ARPC1B: variants seen among roughly 807,000 people sequenced by gnomAD.
ARPC1B encodes the protein actin related protein 2/3 complex subunit 1B, also known as actin-related protein 2/3 complex subunit 1B.
In ARPC1B, 29 loss-of-function variants were observed where a neutral mutation model predicts 46.0. The ratio of observed to expected loss-of-function variants is 0.63; its 90% CI spans 0.47 to 0.86. ARPC1B has a LOEUF of 0.86. ARPC1B is among the 40% of genes least tolerant of loss of function. The pLI is 0.00. For synonymous variants in ARPC1B, 201 were observed against 213.9 expected (o/e 0.94, Z 0.53); for missense variants, 469 against 529.4 (o/e 0.89, Z 1.12).
chr7:99,394,800 A>T lies in ARPC1B; in HGVS notation c.*311A>T, dbSNP rs1050129030. 1 of 1,199,244 alleles carries T rather than the reference A, an allele frequency of 8.3e-7. No individual in the cohort carries two copies. The highest frequency in any genetic ancestry group is 1.6e-5 in the African/African-American group (1 of 62,110). 74.3% of individuals were successfully genotyped at this position (1,199,244 alleles called of 1,614,324 possible). On this transcript the variant is annotated 3_prime_UTR_variant, in exon 10 of 10. Coordinates refer to ENST00000646101, the MANE Select transcript of ARPC1B (RefSeq NM_005720.4). ...TGTGTAAAAAAAAAAAAAAAAAAAAAAGTAATTATGGACATGCTTGCCTAT... is the reference window on the plus strand; with the variant it reads ...TGTGTAAAAAAAAAAAAAAAAAAAATAGTAATTATGGACATGCTTGCCTAT...
intron 2 of ARPC1B, 168 bp from the exon 3 acceptor site, chr7:99,386,517 G>A (rs1047479058): frequency 2.2e-5 from 16 of 723,838 alleles, no homozygotes; most frequent in Non-Finnish European, 3.5e-5. Context: ...GGAGAAGACA[G>A]GGTGGCCTAG....
Position 99,388,184 on chromosome 7 carries a change from C to A in ARPC1B, c.315C>A (p.Ala105=). Residue 105 remains alanine, a synonymous_variant, in exon 4 of 10, where the codon GCC becomes GCA. Coordinates refer to ENST00000646101, the MANE Select transcript of ARPC1B (RefSeq NM_005720.4). ...INRAARCVRW[A]PNENKFAVGS... is the part of the protein sequence containing the mutation. ...GGGCTGCCCGCTGCGTGCGCTGGGCCCCCAACGAGAACAAGTTTGCTGTGG... is the reference window on the plus strand; with the variant it reads ...GGGCTGCCCGCTGCGTGCGCTGGGCACCCAACGAGAACAAGTTTGCTGTGG... 3 of 1,614,244 alleles carry A rather than the reference C, an allele frequency of 1.9e-6. No homozygotes were observed. Among genetic ancestry groups the A allele is most frequent in the Non-Finnish European group, 1.7e-6 (2 of 1,180,034 alleles).
At chr7:99,394,198 C>T (rs777416705) in intron 9 of ARPC1B, 79 bp downstream of exon 9, 17 of 1,452,484 alleles carry the variant, frequency 1.2e-5, no homozygotes, top group Non-Finnish European at 1.5e-5. Flanking sequence ...CTGGAGATGA[C>T]CCCCATCCTT....
Position 99,391,259 on chromosome 7 carries a change from G to A in ARPC1B, c.783+6G>A. On this transcript the variant is annotated splice_donor_region_variant and intron_variant, in intron 7 of 9. Coordinates refer to ENST00000646101, the MANE Select transcript of ARPC1B (RefSeq NM_005720.4). ...ACAACAGCCTGGTGGCAGCGGTGAG[G>A]AATAGGGAGGGGAGGGAGGGTGTGT... 2 of 1,612,280 alleles carry A rather than the reference G, an allele frequency of 1.2e-6. No homozygotes were observed. Among genetic ancestry groups the A allele is most frequent in the Non-Finnish European group, 1.7e-6 (2 of 1,178,908 alleles).
At chr7:99,392,297 C>T (rs1035116571) in intron 7 of ARPC1B, 4 of 218,748 alleles carry the variant, frequency 1.8e-5, no homozygotes, top group Non-Finnish European at 2.7e-5. Context: ...TCCCTCCCCT[C>T]CGCCCACATC....
intron 9 of ARPC1B, 103 bp from the exon 10 acceptor site, chr7:99,394,348 C>G (rs1794694873): frequency 8.5e-7 from 1 of 1,175,968 alleles, no homozygotes. Context: ...TGCAGGTTCT[C>G]TGCCCTCTGC....
intron 8 of ARPC1B, among the ~76,000 whole-genome samples, chr7:99,393,217 G>A (rs1243399464): frequency 6.6e-6 from 1 of 152,256 alleles, no homozygotes; most frequent in Non-Finnish European, 1.5e-5. Flanking sequence ...TTGTGGGCGG[G>A]GCCCATCTTG....
chr7:99,383,563 G>A (rs1794290179), intron 1 of ARPC1B, among the ~76,000 whole-genome samples: 1 of 152,202 alleles, frequency 6.6e-6, no homozygotes, highest in South Asian at 2.1e-4. Context: ...GGTGACTGCT[G>A]AGAAAATTTA....
In ARPC1B at chr7:99,390,893, G is replaced by C. The variant is rs1228993676; in HGVS notation, c.501G>C (p.Arg167=). The C allele has an allele frequency of 6.2e-7, 1 of 1,601,864 alleles. No homozygotes were observed. The highest frequency in any genetic ancestry group is 2.2e-5 in the East Asian group (1 of 44,578). The change falls in exon 6 of 10, where the codon CGG becomes CGC. Residue 167 remains arginine (R), a splice_region_variant and synonymous_variant. Transcript: ENST00000646101. The part of the protein sequence containing the change: ...LAAGSCDFKC[R]IFSAYIKEVE... ...ACCTCTACTTTGCCTATCCCGGTAGGATCTTTTCAGCCTACATCAAGGAGG... is the reference window on the plus strand; with the variant it reads ...ACCTCTACTTTGCCTATCCCGGTAGCATCTTTTCAGCCTACATCAAGGAGG...
chr7:99,378,774 CTTTTTTTT>C (rs761084621), intron 1 of ARPC1B, among the ~76,000 whole-genome samples: 2 of 106,554 alleles, frequency 1.9e-5, no homozygotes, highest in South Asian at 3.4e-4. Context: ...TTTTCTTTTT[CTTTTTTTT>C]TTTTTTTTTT....
chr7:99,381,089 G>A (rs531089894), intron 1 of ARPC1B, among the ~76,000 whole-genome samples: 1 of 152,316 alleles, frequency 6.6e-6, no homozygotes, highest in East Asian at 1.9e-4. Context: ...AAACGCTCAG[G>A]GAAACCCCCA....
intron 7 of ARPC1B, 24 bp downstream of exon 7, chr7:99,391,277 G>C: frequency 6.2e-7 from 1 of 1,610,642 alleles, no homozygotes; most frequent in South Asian, 1.1e-5. Context: ...AGGGGAGGGA[G>C]GGTGTGTGGT....
intron 1 of ARPC1B, among the ~76,000 whole-genome samples, chr7:99,378,774 C>CTTTTTTTTTTT (rs761084621): frequency 8.4e-5 from 9 of 106,554 alleles, no homozygotes; most frequent in African/African-American, 3.1e-4. Context: ...TTTTCTTTTT[C>CTTTTTTTTTTT]TTTTTTTTTT....
chr7:99,382,381 A>C (rs1005642612), intron 1 of ARPC1B, among the ~76,000 whole-genome samples: 9 of 150,824 alleles, frequency 6.0e-5, no homozygotes, highest in Admixed American at 1.3e-4. Context: ...CAGGCTGGGC[A>C]ACAGAGTGAG....
chr7:99,382,061 C>G (rs1794244874), intron 1 of ARPC1B, among the ~76,000 whole-genome samples: 1 of 152,204 alleles, frequency 6.6e-6, no homozygotes, highest in African/African-American at 2.4e-5. Context: ...TGGAGCTGAC[C>G]TGGAGCCTGG....
chr7:99,389,287 C>T (rs948503896), intron 4 of ARPC1B: 2 of 152,654 alleles, frequency 1.3e-5, no homozygotes, highest in South Asian at 2.1e-4. Flanking sequence ...GGCTGGAGTG[C>T]AGTGTTGTGA....
chr7:99,386,823 AGGAGGTGGTGGGTTGG>A (rs1485122282), intron 3 of ARPC1B, 34 bp downstream of exon 3: 1 of 1,540,968 alleles, frequency 6.5e-7, no homozygotes, highest in Non-Finnish European at 9.0e-7. Flanking sequence ...CCGTCCTGAA[AGGAGGTGGTGGGTTGG>A]GGGGGTGGTG....
intron 1 of ARPC1B, among the ~76,000 whole-genome samples, chr7:99,384,922 G>A (rs1230806946): frequency 2.0e-5 from 3 of 149,216 alleles, no homozygotes; most frequent in Middle Eastern, 3.5e-3. Context: ...TGAGTAGTGG[G>A]GATTACAGGC....
chr7:99,387,236 G>A (rs1794419955), intron 3 of ARPC1B, among the ~76,000 whole-genome samples: 1 of 152,202 alleles, frequency 6.6e-6, no homozygotes, highest in South Asian at 2.1e-4. Flanking sequence ...GAGGTCAGGA[G>A]TTCGAGACCA....
Sources: allele counts gnomAD v4.1 joint callset (sites outside exome capture counted in the v4.1 genomes callset), GRCh38; gene constraint gnomAD v4.1.1; transcripts MANE v1.5; gene names NCBI Gene and HGNC (gene_info 2026-07-23, HGNC 2026-07-21).